The following NLRP7 variants were observed in gnomAD, a reference collection of about 807,000 sequenced individuals.
NLRP7 encodes the protein NACHT, LRR and PYD domains-containing protein 7.
Under a neutral mutation model 85.5 loss-of-function variants are expected in NLRP7, and 72 were observed. The observed-to-expected ratio is 0.84, with a 90% CI of 0.70 to 1.02. NLRP7 has a LOEUF of 1.02. Among genes scored for constraint, NLRP7 ranks in the 50% least tolerant of loss-of-function variants. NLRP7 has a pLI of 0.00. For synonymous variants in NLRP7, 550 were observed against 505.2 expected (o/e 1.09, Z -1.19); for missense variants, 1,243 against 1,219.5 (o/e 1.02, Z -0.29).
intron 1 of NLRP7, among the ~76,000 whole-genome samples, chr19:54,947,223 G>C (rs958641650): frequency 6.6e-6 from 1 of 152,030 alleles, no homozygotes; most frequent in Admixed American, 6.6e-5. Flanking sequence ...TACTCAGGAG[G>C]CTGAGGCAGG....
rs104895521 is a variant in NLRP7 at position 54,934,407 on chromosome 19, G to GC, written c.2471+81_2471+82insG. ...TTTCAGCAAGAGGCGCCACGTGGGT[G>GC]GCGCAGTAAGTCAGGTGTTACCCTT... is the stretch of plus-strand genomic sequence containing the variant. On this transcript the variant is annotated intron_variant, in intron 7 of 9. Transcript: ENST00000340844. This position sits in a 1 kb window ranked among gnomAD's most constrained non-coding sequence, Gnocchi z 6.7. 156,832 of 1,403,366 alleles carry GC rather than the reference G, an allele frequency of 0.11. 10,420 individuals carry two copies. Among genetic ancestry groups the GC allele is most frequent in the Non-Finnish European group, 0.13 (131,333 of 987,658 alleles). 86.9% of individuals were successfully genotyped at this position (1,403,366 alleles called of 1,614,324 possible).
At chr19:54,928,863 C>T (rs1394018126) in intron 9 of NLRP7, among the ~76,000 whole-genome samples, 5 of 151,798 alleles carry the variant, frequency 3.3e-5, no homozygotes, top group Admixed American at 6.6e-5. Flanking sequence ...AGTGCAATGG[C>T]GTGATCTCGG....
chr19:54,934,664 GAA>G lies in NLRP7; in HGVS notation c.2301-7_2301-6del, dbSNP rs760043213. The G allele has an allele frequency of 1.2e-6, 2 of 1,611,236 alleles. No homozygotes were observed. The highest frequency in any genetic ancestry group is 1.7e-6 in the Non-Finnish European group (2 of 1,178,556). ...GTGGCACAGTGACCTCCCAACCTGT[GAA>G]AAGAGTGGGAAAAGTCATTCTTCTG... On this transcript the variant is annotated splice_region_variant and splice_polypyrimidine_tract_variant and intron_variant, in intron 6 of 9. Transcript: ENST00000340844. This position sits in a 1 kb window ranked among gnomAD's most constrained non-coding sequence, Gnocchi z 6.7.
At chr19:54,937,953 T>A (rs1195209981) in intron 5 of NLRP7, 91 bp downstream of exon 5, 1 of 942,502 alleles carries the variant, frequency 1.1e-6, no homozygotes, top group South Asian at 1.3e-5. Context: ...TACATGGAGA[T>A]GAAACAGCAC....
chr19:54,947,757 T>G (rs1407957999), upstream of NLRP7: 1 of 817,364 alleles, frequency 1.2e-6, no homozygotes, highest in Non-Finnish European at 1.8e-6. Context: ...GCAATTCCCT[T>G]CCTAGACCAC....
chr19:54,958,968 T>A (rs1474500276), intron 1 of NLRP7, among the ~76,000 whole-genome samples: 2 of 152,018 alleles, frequency 1.3e-5, no homozygotes, highest in Non-Finnish European at 2.9e-5. Context: ...ACAGTGTTCT[T>A]CTATACAATG....
chr19:54,948,381 T>TCAAAAA (rs1024755529), upstream of NLRP7, among the ~76,000 whole-genome samples: 80 of 151,832 alleles, frequency 5.3e-4, no homozygotes, highest in African/African-American at 1.9e-3. Context: ...CAAGACTGTC[T>TCAAAAA]CAAAAACAAA....
At chr19:54,938,831 G>A in intron 4 of NLRP7, 57 bp downstream of exon 4, 1 of 1,589,198 alleles carries the variant, frequency 6.3e-7, no homozygotes, top group South Asian at 1.1e-5. Context: ...AAGCGACAGG[G>A]CAAAGGAGAC....
At chr19:54,957,632 A>T (rs1037275336) in intron 1 of NLRP7, among the ~76,000 whole-genome samples, 11 of 152,096 alleles carry the variant, frequency 7.2e-5, no homozygotes, top group Non-Finnish European at 1.5e-4. Context: ...GGCGTGAGCC[A>T]CTGCACCCTA....
exon 4 of NLRP7, chr19:54,939,309 G>A: frequency 6.2e-7 from 1 of 1,614,128 alleles, no homozygotes; most frequent in African/African-American, 1.3e-5. Flanking sequence ...TCTCCGGAAA[G>A]CAGCTTCTGT....
intron 1 of NLRP7, among the ~76,000 whole-genome samples, chr19:54,962,621 A>G (rs1028573508): frequency 9.8e-5 from 14 of 142,416 alleles, no homozygotes; most frequent in African/African-American, 3.2e-4. Context: ...TGTTTTTGAG[A>G]CAGAGTCTTG....
intron 1 of NLRP7, chr19:54,953,353 G>A (rs868740139): frequency 6.6e-6 from 1 of 152,360 alleles, no homozygotes; most frequent in South Asian, 2.1e-4. Context: ...GGTCGTGATC[G>A]ACTGAGCAAG....
chr19:54,933,710 C>A, exon 8 of NLRP7: 1 of 1,614,216 alleles, frequency 6.2e-7, no homozygotes, highest in Admixed American at 1.7e-5. Flanking sequence ...GTCCTTGCAA[C>A]TGGCTTCTGT....
intron 1 of NLRP7, among the ~76,000 whole-genome samples, chr19:54,965,549 G>A (rs2070335229): frequency 2.3e-5 from 2 of 88,746 alleles, no homozygotes; most frequent in Non-Finnish European, 4.7e-5. Context: ...TCCGCCTCCC[G>A]GGTTCACGCC....
exon 10 of NLRP7, chr19:54,923,606 G>A (rs1160991084): frequency 2.0e-6 from 2 of 1,021,128 alleles, no homozygotes; most frequent in Non-Finnish European, 3.1e-6. Flanking sequence ...CAAAAATAGT[G>A]AGAAAACCAG....
exon 4 of NLRP7, chr19:54,939,459 G>A: frequency 6.2e-7 from 1 of 1,614,020 alleles, no homozygotes; most frequent in Middle Eastern, 1.7e-4. Flanking sequence ...TCCTGGCGGA[G>A]GATGTCTCCG....
chr19:54,953,849 T>A (rs2069757397), intron 1 of NLRP7, among the ~76,000 whole-genome samples: 1 of 143,452 alleles, frequency 7.0e-6, no homozygotes, highest in East Asian at 2.1e-4. Flanking sequence ...AAAAAAAAAA[T>A]ACAAAAAATT....
chr19:54,935,847 G>A (rs557216351), intron 6 of NLRP7, among the ~76,000 whole-genome samples: 43 of 152,174 alleles, frequency 2.8e-4, no homozygotes, highest in African/African-American at 7.2e-4. Context: ...AGGCACCAAC[G>A]ATTAGCTCCT....
chr19:54,953,752 C>T (rs2069752330), intron 1 of NLRP7, among the ~76,000 whole-genome samples: 1 of 151,880 alleles, frequency 6.6e-6, no homozygotes, highest in Admixed American at 6.6e-5. Context: ...CCTGTAATCC[C>T]AGCACTTTCG....
Sources: allele counts gnomAD v4.1 joint callset (sites outside exome capture counted in the v4.1 genomes callset), GRCh38; gene constraint gnomAD v4.1.1; non-coding constraint Gnocchi (gnomAD v3.1); transcripts MANE v1.5; gene names NCBI Gene and HGNC (gene_info 2026-07-23, HGNC 2026-07-21).